Variants in SF3A1 observed in about 807,000 individuals in gnomAD.
SF3A1 encodes splicing factor 3a subunit 1.
In SF3A1, 13 loss-of-function variants were observed where a neutral mutation model predicts 89.9. The observed-to-expected ratio is 0.14, with a 90% CI of 0.09 to 0.23. The LOEUF (loss-of-function observed/expected upper bound fraction) is 0.23. Ranked by LOEUF, SF3A1 falls within the 10% of genes least tolerant of loss-of-function variation. The pLI is 1.00. For synonymous variants in SF3A1, 405 were observed against 374.4 expected, an observed-to-expected ratio of 1.08 and a Z score of -0.94; for missense variants, 604 against 1,022.1, an observed-to-expected ratio of 0.59 and a Z score of 5.58.
Position 30,356,834 on chromosome 22 carries a change from G to A in SF3A1, c.-42C>T. ...GCTGCCAGTCCGCCTCGGTGTCGGTGAGCGGTGCCGCCTCAAGACAGCCTC... is the reference window on the plus strand; with the variant it reads ...GCTGCCAGTCCGCCTCGGTGTCGGTAAGCGGTGCCGCCTCAAGACAGCCTC... On this transcript the variant is annotated 5_prime_UTR_variant, in exon 1 of 16. Coordinates refer to ENST00000215793, the MANE Select transcript of SF3A1 (RefSeq NM_005877.6). 2 of 1,306,414 alleles carry A rather than the reference G, an allele frequency of 1.5e-6. No individual in the cohort carries two copies. The highest frequency in any genetic ancestry group is 2.0e-6 in the Non-Finnish European group (2 of 1,019,550). 80.9% of individuals were successfully genotyped at this position (1,306,414 alleles called of 1,614,324 possible).
intron 9 of SF3A1, 142 bp from the exon 10 acceptor site, chr22:30,339,393 T>C (rs1931177358): frequency 1.9e-6 from 2 of 1,042,334 alleles, no homozygotes; most frequent in Non-Finnish European, 2.8e-6. Context: ...TCTTGTCCTC[T>C]GGGCTCGGGG....
At chr22:30,351,907 T>C (rs1452776799) in intron 2 of SF3A1, among the ~76,000 whole-genome samples, 1 of 152,230 alleles carries the variant, frequency 6.6e-6, no homozygotes, top group Non-Finnish European at 1.5e-5. Context: ...AAGGAATACC[T>C]TAAATACCCT....
At chr22:30,354,327 C>T (rs1482432151) in intron 1 of SF3A1, among the ~76,000 whole-genome samples, 2 of 152,192 alleles carry the variant, frequency 1.3e-5, no homozygotes, top group Non-Finnish European at 2.9e-5. Flanking sequence ...ATTTTAAGTG[C>T]TCTTGACAAA....
At chr22:30,342,381 G>A (rs74802973) in intron 5 of SF3A1, 31 bp from the exon 6 acceptor site, 30,169 of 1,568,006 alleles carry the variant, frequency 0.019, 443 homozygotes, top group Middle Eastern at 0.037. Flanking sequence ...TTGGTGCTAC[G>A]CTGAAGCAGG....
At chr22:30,340,560 T>C in intron 8 of SF3A1, 135 bp downstream of exon 8, 3 of 847,406 alleles carry the variant, frequency 3.5e-6, no homozygotes, top group Non-Finnish European at 5.8e-6. Flanking sequence ...CCATGAAACC[T>C]GTAACAGACG....
At position 30,334,569 on chromosome 22, in the gene SF3A1, G is replaced by A. The variant is rs1931010287; in HGVS notation, c.*25C>T. ...GGAGACAGGAGAGGCAAAATGGCAG[G>A]GACTTGACAGCAGGTTCCTCTTGTC... is the stretch of plus-strand genomic sequence containing the variant. On this transcript the variant is annotated 3_prime_UTR_variant, in exon 16 of 16. Coordinates refer to ENST00000215793, the MANE Select transcript of SF3A1 (RefSeq NM_005877.6). 1.3e-6 allele frequency: 2 copies of A among 1,486,138 alleles called. No homozygotes were observed. The highest frequency in any genetic ancestry group is 2.3e-5 in the Admixed American group (1 of 43,878). The allele number at this position is 1,486,138 out of a possible 1,614,324, so 92.1% of individuals were successfully genotyped here.
rs1931163907 is a variant in SF3A1 at position 30,338,929 on chromosome 22, G to C, written c.1603C>G (p.Leu535Val). The C allele has an allele frequency of 6.2e-7, 1 of 1,614,116 alleles. No homozygotes were observed. Among genetic ancestry groups the C allele is most frequent in the South Asian group, 1.1e-5 (1 of 91,088 alleles). The change falls in exon 11 of 16, where the codon CTG (leucine) becomes GTG (valine). Residue 535 changes from leucine to valine, a missense_variant. Coordinates refer to ENST00000215793, the MANE Select transcript of SF3A1 (RefSeq NM_005877.6). Reference protein sequence around the residue: ...QIEAIHKAKGLVPEDDTKEKI... With the variant: ...QIEAIHKAKGVVPEDDTKEKI... The stretch of plus-strand genomic sequence containing the variant: ...TCTTTAGTGTCATCCTCTGGCACCA[G>C]GCCTTTGGCCTTGTGAATGGCCTCA...
intron 2 of SF3A1, among the ~76,000 whole-genome samples, chr22:30,347,696 T>C (rs1047290478): frequency 1.3e-5 from 2 of 152,356 alleles, no homozygotes; most frequent in East Asian, 1.9e-4. Flanking sequence ...ACACAAGATA[T>C]GAACACGTTC....
Position 30,335,714 on chromosome 22 carries a change from C to G in SF3A1, c.2146G>C (p.Asp716His). ...SIKVQVPNMQDKTEWKLNGQV... is the reference protein window; with the variant it reads ...SIKVQVPNMQHKTEWKLNGQV... ...CCATTCAGTTTCCATTCCGTCTTAT[C>G]CTGCATGTTGGGCACCTGGACTTTG... The change falls in exon 14 of 16, where the codon GAT becomes CAT. Residue 716 changes from aspartate to histidine, a missense_variant. Transcript: ENST00000215793. 6.2e-7 allele frequency: 1 copy of G among 1,614,210 alleles called. No homozygotes were observed. The highest frequency in any genetic ancestry group is 8.5e-7 in the Non-Finnish European group (1 of 1,180,036).
chr22:30,336,131 G>A (rs1185278951), intron 13 of SF3A1, among the ~76,000 whole-genome samples: 1 of 152,106 alleles, frequency 6.6e-6, no homozygotes, highest in African/African-American at 2.4e-5. Context: ...CACCAGACAG[G>A]GTTCATGACT....
At chr22:30,341,561 TATGGCC>T in intron 7 of SF3A1, 125 bp downstream of exon 7, 1 of 466,182 alleles carries the variant, frequency 2.1e-6, no homozygotes, top group East Asian at 3.1e-5. Flanking sequence ...TGGGCAGCTG[TATGGCC>T]TTGTTCAGGA....
chr22:30,336,501 G>T (rs534655419), intron 13 of SF3A1, among the ~76,000 whole-genome samples: 1 of 152,154 alleles, frequency 6.6e-6, no homozygotes, highest in Non-Finnish European at 1.5e-5. Flanking sequence ...AAATACATTG[G>T]GGGAGCAGAG....
chr22:30,356,657 G>T, intron 1 of SF3A1, 73 bp downstream of exon 1: 1 of 1,197,974 alleles, frequency 8.3e-7, no homozygotes, highest in Non-Finnish European at 1.1e-6. Context: ...GCGGCCGGCC[G>T]CTTATTCCTG....
intron 9 of SF3A1, 65 bp downstream of exon 9, chr22:30,340,131 T>C: frequency 7.4e-7 from 1 of 1,354,914 alleles, no homozygotes; most frequent in Non-Finnish European, 9.7e-7. Context: ...CTTTCTATGT[T>C]TGCTTAGAAG....
chr22:30,334,706 G>T lies in SF3A1; in HGVS notation c.2281-11C>A. 1.3e-6 allele frequency: 2 copies of T among 1,591,612 alleles called. No homozygotes were observed. The highest frequency in any genetic ancestry group is 1.1e-5 in the South Asian group (1 of 88,404). ...TTTGATGAAGATACCCTGGAAAACA[G>T]ACAGCGTGCCTTAGCATGGGGCAAC... On this transcript the variant is annotated splice_polypyrimidine_tract_variant and intron_variant, in intron 15 of 15. Coordinates refer to ENST00000215793, the MANE Select transcript of SF3A1 (RefSeq NM_005877.6).
chr22:30,335,621 A>G (rs9608883), intron 14 of SF3A1, 31 bp downstream of exon 14: 35,925 of 1,612,794 alleles, frequency 0.022, 519 homozygotes, highest in East Asian at 0.055. Flanking sequence ...GTTCCCATGC[A>G]CCTGATGCCA....
At chr22:30,347,742 C>T (rs1931462618) in intron 2 of SF3A1, among the ~76,000 whole-genome samples, 1 of 152,244 alleles carries the variant, frequency 6.6e-6, no homozygotes, top group African/African-American at 2.4e-5. Flanking sequence ...CTCTGACCCA[C>T]AGCAAGTTAC....
intron 5 of SF3A1, chr22:30,342,566 G>T (rs1931293013): frequency 1.6e-6 from 1 of 635,218 alleles, no homozygotes; most frequent in Non-Finnish European, 2.7e-6. Context: ...CTGGCCTTCT[G>T]TCTTCTAGCT....
intron 2 of SF3A1, among the ~76,000 whole-genome samples, chr22:30,352,388 T>C (rs945827877): frequency 2.7e-4 from 34 of 125,996 alleles, no homozygotes; most frequent in Middle Eastern, 6.8e-3. Flanking sequence ...ATGCCCATTC[T>C]ATCTGAGGTG....
Sources: allele counts gnomAD v4.1 joint callset (sites outside exome capture counted in the v4.1 genomes callset), GRCh38; gene constraint gnomAD v4.1.1; transcripts MANE v1.5; gene names NCBI Gene and HGNC (gene_info 2026-07-23, HGNC 2026-07-21).